ABLIM2: variants seen among roughly 807,000 people sequenced by gnomAD.
ABLIM2 encodes actin binding LIM protein family member 2.
In ABLIM2, 53 loss-of-function variants were observed where a neutral mutation model predicts 97.7. The observed-to-expected ratio is 0.54, with a 90% CI of 0.44 to 0.68. The LOEUF is 0.68. Among genes scored for constraint, ABLIM2 ranks in the 30% least tolerant of loss-of-function variants. The pLI, the probability that ABLIM2 is intolerant of heterozygous loss-of-function variation, is 0.00. For missense variants in ABLIM2, 835 were observed against 867.2 expected, an observed-to-expected ratio of 0.96 and a Z score of 0.47; for synonymous variants, 361 against 345.8, an observed-to-expected ratio of 1.04 and a Z score of -0.49.
At chr4:8,088,020 A>G (rs139187355) in intron 4 of ABLIM2, 149 bp downstream of exon 4, 2,257 of 182,716 alleles carry the variant, frequency 0.012, 64 homozygotes, top group African/African-American at 0.085. Context: ...AGCATGCCCT[A>G]TACTCAGCAC....
chr4:8,106,743 C>T lies in ABLIM2; in HGVS notation c.11-106G>A, dbSNP rs368867321. Reference sequence around the variant, plus strand: ...CACAGCTGACCCTGCCAGCGGGCCCCGCACCCACCAGCACGAGCCGCACGG... The same window carrying T: ...CACAGCTGACCCTGCCAGCGGGCCCTGCACCCACCAGCACGAGCCGCACGG... On this transcript the variant is annotated intron_variant, in intron 1 of 20. Coordinates refer to ENST00000447017, the MANE Select transcript of ABLIM2 (RefSeq NM_001130083.2). The T allele has an allele frequency of 2.3e-5, 32 of 1,390,368 alleles. No homozygotes were observed. In the Admixed American group the frequency reaches 2.5e-4, roughly 11 times the overall value. 86.1% of individuals were successfully genotyped at this position (1,390,368 alleles called of 1,614,324 possible). A position where few individuals can be genotyped will look rare whatever the true frequency, so the allele number is the denominator to read the frequency against.
rs532204655 is a variant in ABLIM2, at chr4:8,092,984, G to A, written c.338+4115C>T. On this transcript the variant is annotated intron_variant, in intron 3 of 20. Transcript: ENST00000447017. ...CTGCCTCGGCCTTCCAAGTAGCTGG[G>A]ATTACAGGCGCCCACCACCACGCCT... 5.0e-4 allele frequency among the ~76,000 whole-genome samples: 76 copies of A among 152,156 alleles called. 1 individual carries two copies. The highest frequency in any genetic ancestry group is 8.4e-4 in the Non-Finnish European group (57 of 68,022).
At chr4:8,104,485 C>T (rs1577937475) in intron 2 of ABLIM2, among the ~76,000 whole-genome samples, 2 of 152,198 alleles carry the variant, frequency 1.3e-5, no homozygotes, top group East Asian at 3.9e-4. Context: ...CAGGGAATCC[C>T]TGGATCCAGG....
chr4:8,040,919 A>T (rs1788014951), intron 9 of ABLIM2, among the ~76,000 whole-genome samples: 1 of 152,206 alleles, frequency 6.6e-6, no homozygotes, highest in African/African-American at 2.4e-5. Context: ...CTCATATCTC[A>T]GAGTGGCATC....
chr4:7,966,874 C>CCCCCCCCCG lies in ABLIM2; in HGVS notation c.*115_*116insCGGGGGGGG. 4.2e-6 allele frequency: 1 copy of CCCCCCCCCG among 240,078 alleles called. No individual in the cohort carries two copies. Among genetic ancestry groups the CCCCCCCCCG allele is most frequent in the South Asian group, 6.4e-5 (1 of 15,710 alleles). 14.9% of individuals were successfully genotyped at this position (240,078 alleles called of 1,614,324 possible). A position where few individuals can be genotyped will look rare whatever the true frequency, so the allele number is the denominator to read the frequency against. ...ACCTGCTGGGGGACCCCCTCCCGCC[C>CCCCCCCCCG]ACCCCATGGACACAGAGAAGCCAGA... On this transcript the variant is annotated 3_prime_UTR_variant, in exon 21 of 21. Transcript: ENST00000447017.
intron 3 of ABLIM2, among the ~76,000 whole-genome samples, chr4:8,090,392 A>C (rs761693756): frequency 6.6e-6 from 1 of 152,192 alleles, no homozygotes; most frequent in Admixed American, 6.5e-5. Context: ...GTTTGTATTC[A>C]TACATTCATT....
chr4:7,981,906 TG>T (rs35157971), intron 20 of ABLIM2, among the ~76,000 whole-genome samples: 26,112 of 152,166 alleles, frequency 0.17, 2,550 homozygotes, highest in Non-Finnish European at 0.23. Context: ...ACTTCCTATC[TG>T]GGGACACAGC....
Position 8,130,049 on chromosome 4 carries a change from A to G in ABLIM2, c.11-23412T>C, listed in dbSNP as rs533813710. 6.6e-5 allele frequency among the ~76,000 whole-genome samples: 10 copies of G among 152,318 alleles called. No individual in the cohort carries two copies. Among genetic ancestry groups the G allele is most frequent in the African/African-American group, 2.4e-4 (10 of 41,584 alleles). On this transcript the variant is annotated intron_variant, in intron 1 of 20. Coordinates refer to ENST00000447017, the MANE Select transcript of ABLIM2 (RefSeq NM_001130083.2). This position sits in a 1 kb window ranked among gnomAD's most constrained non-coding sequence, Gnocchi z 4.2. ...AGCACTGCCTGGGGTTCCCACGGAG[A>G]AGGAGCCTCAGATTCCCCTGGCCTC...
intron 2 of ABLIM2, among the ~76,000 whole-genome samples, chr4:8,104,112 G>A (rs1836004740): frequency 6.6e-6 from 1 of 152,180 alleles, no homozygotes; most frequent in African/African-American, 2.4e-5. Context: ...ATCGCTCCCT[G>A]GCGCTGACAC....
chr4:8,105,601 G>A (rs972624726), intron 2 of ABLIM2, among the ~76,000 whole-genome samples: 3 of 152,188 alleles, frequency 2.0e-5, no homozygotes, highest in Non-Finnish European at 1.5e-5. Flanking sequence ...AGGGTTCATC[G>A]AGGGTCGTTA....
chr4:8,131,585 G>A (rs1045330354), intron 1 of ABLIM2, among the ~76,000 whole-genome samples: 1 of 152,096 alleles, frequency 6.6e-6, no homozygotes, highest in South Asian at 2.1e-4. Flanking sequence ...TCTCTCACAT[G>A]CTCTCAGCCA....
At chr4:8,012,651 C>G (rs889331175) in intron 14 of ABLIM2, among the ~76,000 whole-genome samples, 1 of 151,974 alleles carries the variant, frequency 6.6e-6, no homozygotes, top group Admixed American at 6.6e-5. Flanking sequence ...CACCCACCAC[C>G]CATCCATCCA....
intron 11 of ABLIM2, among the ~76,000 whole-genome samples, chr4:8,029,366 C>T (rs574460846): frequency 7.2e-5 from 11 of 152,178 alleles, no homozygotes; most frequent in Non-Finnish European, 1.5e-4. Context: ...GGAATCTAAG[C>T]GCTCAGCGTG....
At chr4:8,026,072 A>G (rs1246670202) in intron 12 of ABLIM2, among the ~76,000 whole-genome samples, 1 of 152,142 alleles carries the variant, frequency 6.6e-6, no homozygotes, top group Non-Finnish European at 1.5e-5. Context: ...CAGTGGCACA[A>G]TCGTAGCTCA....
chr4:8,110,241 A>C (rs1194219813), intron 1 of ABLIM2, among the ~76,000 whole-genome samples: 1 of 152,224 alleles, frequency 6.6e-6, no homozygotes, highest in African/African-American at 2.4e-5. Context: ...CAAAGAGAAA[A>C]ATGCACAAGC....
chr4:8,047,604 G>A (rs1793403391), intron 8 of ABLIM2, among the ~76,000 whole-genome samples: 1 of 152,206 alleles, frequency 6.6e-6, no homozygotes, highest in African/African-American at 2.4e-5. Context: ...CTAGTTCTGA[G>A]GTATGTGACA....
At position 8,158,767 on chromosome 4, in the gene ABLIM2, C is replaced by A. The variant is rs561171637; in HGVS notation, c.-78G>T. 4.5e-5 allele frequency: 56 copies of A among 1,254,998 alleles called. No individual in the cohort carries two copies. In the East Asian group the frequency reaches 1.3e-3, roughly 29 times the overall value. 77.7% of individuals were successfully genotyped at this position (1,254,998 alleles called of 1,614,324 possible). On this transcript the variant is annotated 5_prime_UTR_variant, in exon 1 of 21. Coordinates refer to ENST00000447017, the MANE Select transcript of ABLIM2 (RefSeq NM_001130083.2). ...CGGGCCCGCAGGTGCCGCGCCCGCG[C>A]TATCCTCCGCCCGCCCGCCGGCTCC...
chr4:7,990,706 G>A lies in ABLIM2; in HGVS notation c.1680+2160C>T, dbSNP rs541948031. On this transcript the variant is annotated intron_variant, in intron 17 of 20. Coordinates refer to ENST00000447017, the MANE Select transcript of ABLIM2 (RefSeq NM_001130083.2). ...GCCATCAGCAACAGGGCAGGGGCAC[G>A]CACTCCCAGGGCATCTCCAGGGGAA... 2.6e-5 allele frequency among the ~76,000 whole-genome samples: 4 copies of A among 152,226 alleles called. No individual in the cohort carries two copies. In the South Asian group the frequency reaches 6.2e-4, roughly 24 times the overall value.
intron 2 of ABLIM2, 132 bp downstream of exon 2, chr4:8,106,362 A>G: frequency 7.9e-7 from 1 of 1,264,708 alleles, no homozygotes; most frequent in South Asian, 1.5e-5. Context: ...TCTCCTCTGA[A>G]GATTCTGTAT....
Sources: allele counts gnomAD v4.1 joint callset (sites outside exome capture counted in the v4.1 genomes callset), GRCh38; gene constraint gnomAD v4.1.1; non-coding constraint Gnocchi (gnomAD v3.1); transcripts MANE v1.5; gene names NCBI Gene and HGNC (gene_info 2026-07-23, HGNC 2026-07-21).